DNMBP: variants seen among roughly 807,000 people sequenced by gnomAD.
DNMBP encodes dynamin-binding protein.
DNMBP carries 87 observed loss-of-function variants against 150.0 expected under a neutral mutation model. The observed-to-expected ratio is 0.58, with a 90% CI of 0.49 to 0.69. The LOEUF (loss-of-function observed/expected upper bound fraction) is 0.69. Among genes scored for constraint, DNMBP ranks in the 30% least tolerant of loss-of-function variants. DNMBP has a pLI of 0.00. For missense variants in DNMBP, 1,774 were observed against 1,949.0 expected, an observed-to-expected ratio of 0.91 and a Z score of 1.69; for synonymous variants, 711 against 750.4, an observed-to-expected ratio of 0.95 and a Z score of 0.86.
At chr10:99,959,483 T>A (rs1475183741) in intron 3 of DNMBP, among the ~76,000 whole-genome samples, 1 of 151,760 alleles carries the variant, frequency 6.6e-6, no homozygotes, top group Non-Finnish European at 1.5e-5. Flanking sequence ...AAAGACACTG[T>A]CTCAAAAACA....
intron 4 of DNMBP, among the ~76,000 whole-genome samples, chr10:99,933,076 C>T (rs1319641906): frequency 3.3e-5 from 5 of 150,096 alleles, no homozygotes; most frequent in African/African-American, 1.2e-4. Flanking sequence ...GGGAGGATCA[C>T]TTGAGCCCAG....
At position 99,884,068 on chromosome 10, in the gene DNMBP, C is replaced by G. The variant is rs770740557; in HGVS notation, c.3940G>C (p.Val1314Leu). The G allele has an allele frequency of 6.2e-7, 1 of 1,614,074 alleles. No homozygotes were observed. Among genetic ancestry groups the G allele is most frequent in the South Asian group, 1.1e-5 (1 of 91,078 alleles). ...VSLLEGDLVG[V>L]IKKKDPMGSQ... The stretch of plus-strand genomic sequence containing the variant: ...CCCATGGGGTCTTTTTTCTTAATCA[C>G]ACCCACCAGGTCACCTTCCAAAAGT... The change falls in exon 15 of 17, where the codon GTG becomes CTG. Residue 1314 changes from valine to leucine, a missense_variant. Transcript: ENST00000324109.
intron 4 of DNMBP, among the ~76,000 whole-genome samples, chr10:99,933,729 TTG>T (rs1346310601): frequency 2.6e-5 from 4 of 152,288 alleles, no homozygotes; most frequent in Non-Finnish European, 5.9e-5. Flanking sequence ...TCACTTGTTG[TTG>T]TTTTTGTTTT....
intron 1 of DNMBP, among the ~76,000 whole-genome samples, chr10:99,982,911 C>G (rs2040793689): frequency 6.6e-6 from 1 of 151,368 alleles, no homozygotes. Flanking sequence ...GAGGTTGCAG[C>G]AAGCTGATCG....
At chr10:99,896,463 A>C in intron 9 of DNMBP, 66 bp from the exon 10 acceptor site, 1 of 1,525,666 alleles carries the variant, frequency 6.6e-7, no homozygotes, top group Non-Finnish European at 9.1e-7. Flanking sequence ...CCATAAAATG[A>C]GATGAACACC....
intron 4 of DNMBP, among the ~76,000 whole-genome samples, chr10:99,913,050 T>C (rs918830191): frequency 3.9e-5 from 6 of 152,168 alleles, no homozygotes; most frequent in Admixed American, 3.3e-4. Context: ...ATCCTAGCGC[T>C]TTGGGAGTCT....
At chr10:100,005,396 G>C (rs2041056869) in intron 1 of DNMBP, among the ~76,000 whole-genome samples, 1 of 152,082 alleles carries the variant, frequency 6.6e-6, no homozygotes, top group African/African-American at 2.4e-5. Context: ...AAACAGCATG[G>C]GGTATAAATG....
intron 6 of DNMBP, among the ~76,000 whole-genome samples, chr10:99,902,155 T>C (rs1013782905): frequency 6.6e-6 from 1 of 152,104 alleles, no homozygotes; most frequent in African/African-American, 2.4e-5. Flanking sequence ...CCTTCCAAAG[T>C]GCTGGGATAA....
rs981916202 is a variant in DNMBP at position 99,900,175 on chromosome 10, A to G, written c.2555-109T>C. ...GTACCAGCTAAATCCTACCTATTAC[A>G]AGAAATGATACTAAGACTATCCATC... On this transcript the variant is annotated intron_variant, in intron 6 of 16. Coordinates refer to ENST00000324109, the MANE Select transcript of DNMBP (RefSeq NM_015221.4). 5.8e-6 allele frequency: 6 copies of G among 1,040,110 alleles called. No homozygotes were observed. In the African/African-American group the frequency reaches 9.6e-5, roughly 17 times the overall value. 64.4% of individuals were successfully genotyped at this position (1,040,110 alleles called of 1,614,324 possible).
chr10:99,885,973 T>C, intron 13 of DNMBP, 107 bp from the exon 14 acceptor site: 1 of 1,103,024 alleles, frequency 9.1e-7, no homozygotes, highest in East Asian at 2.6e-5. Context: ...ACAGTCTCCT[T>C]AGAACCACTG....
chr10:99,910,340 G>A lies in DNMBP; in HGVS notation c.2261-1194C>T, dbSNP rs536799154. On this transcript the variant is annotated intron_variant, in intron 4 of 16. Transcript: ENST00000324109. Reference sequence around the variant, plus strand: ...GCAGATCACTTGAGGTCAGGAGTTCGAGACCAGCCTGGCCAACATGGCAAG... The same window carrying A: ...GCAGATCACTTGAGGTCAGGAGTTCAAGACCAGCCTGGCCAACATGGCAAG... 3.2e-4 allele frequency among the ~76,000 whole-genome samples: 49 copies of A among 152,248 alleles called. No homozygotes were observed. The South Asian group carries it at 4.4e-3, about 14-fold the overall frequency.
Position 99,880,134 on chromosome 10 carries a change from G to T in DNMBP, c.4225C>A (p.Pro1409Thr). 2 of 1,614,170 alleles carry T rather than the reference G, an allele frequency of 1.2e-6. No homozygotes were observed. Among genetic ancestry groups the T allele is most frequent in the Non-Finnish European group, 1.7e-6 (2 of 1,180,030 alleles). The part of the protein sequence containing the change: ...CQKQPQDASP[P>T]PKECDQGTLS... ...GTTCCTTGGTCACATTCTTTTGGCG[G>T]AGGAGATGCATCTTGAGGCTGCTTC... is the stretch of plus-strand genomic sequence containing the variant. Residue 1409 changes from proline (P) to threonine (T), a missense_variant, in exon 16 of 17, where the codon CCG becomes ACG. By Grantham distance (38) the Pro-to-Thr change is conservative. Around this residue, in one of 2 missense-constraint regions of DNMBP, gnomAD observed 1,430 missense variants for 1,492.5 expected, o/e 0.96. Transcript: ENST00000324109.
intron 4 of DNMBP, among the ~76,000 whole-genome samples, chr10:99,942,249 T>C (rs929592183): frequency 1.3e-5 from 2 of 152,220 alleles, no homozygotes; most frequent in African/African-American, 4.8e-5. Context: ...CTCCATAGAT[T>C]GTTTTCCCTT....
At chr10:99,932,168 T>C (rs2040166905) in intron 4 of DNMBP, among the ~76,000 whole-genome samples, 1 of 152,222 alleles carries the variant, frequency 6.6e-6, no homozygotes, top group South Asian at 2.1e-4. Context: ...CTTAGATATC[T>C]AGGAATGATT....
intron 4 of DNMBP, among the ~76,000 whole-genome samples, chr10:99,923,157 G>A (rs141094748): frequency 0.03 from 4,558 of 152,224 alleles, 77 homozygotes; most frequent in South Asian, 0.079. Flanking sequence ...TTGGGAGGCC[G>A]AGGTGGGCGG....
Position 99,940,296 on chromosome 10 carries a change from C to T in DNMBP, c.2260+14918G>A, listed in dbSNP as rs901633066. 1.3e-4 allele frequency among the ~76,000 whole-genome samples: 20 copies of T among 152,166 alleles called. 1 individual carries two copies. The highest frequency in any genetic ancestry group is 1.1e-3 in the Admixed American group (17 of 15,268). On this transcript the variant is annotated intron_variant, in intron 4 of 16. Coordinates refer to ENST00000324109, the MANE Select transcript of DNMBP (RefSeq NM_015221.4). ...CCCTGGACTTAAATCCTGACTTTGC[C>T]ACTTAATAGCTGTATAATCTTGGGG...
intron 1 of DNMBP, among the ~76,000 whole-genome samples, chr10:100,007,887 G>A (rs902111073): frequency 6.6e-6 from 1 of 152,230 alleles, no homozygotes; most frequent in Non-Finnish European, 1.5e-5. Context: ...TCCAGAGTGT[G>A]TATAATAAGA....
chr10:99,969,640 A>C (rs1158885488), intron 2 of DNMBP, among the ~76,000 whole-genome samples: 1 of 152,252 alleles, frequency 6.6e-6, no homozygotes, highest in Non-Finnish European at 1.5e-5. Context: ...GGTAGGTAAT[A>C]GGTCAGGAAG....
intron 4 of DNMBP, among the ~76,000 whole-genome samples, chr10:99,926,761 G>C (rs1324552519): frequency 6.6e-6 from 1 of 152,168 alleles, no homozygotes; most frequent in Non-Finnish European, 1.5e-5. Flanking sequence ...GCATGCAGGT[G>C]ATGAGACTCC....
Sources: gnomAD v4.1 joint callset for allele counts (sites outside exome capture counted in the v4.1 genomes callset) on GRCh38, gnomAD v4.1.1 for gene constraint, gnomAD v4.1.1 regional missense constraint, MANE v1.5 for transcripts, NCBI Gene and HGNC (gene_info 2026-07-23, HGNC 2026-07-21) for gene names.